SIPA1L3: variants seen among roughly 807,000 people sequenced by gnomAD.
SIPA1L3 encodes the protein signal-induced proliferation-associated 1-like protein 3.
Under a neutral mutation model 150.1 loss-of-function variants are expected in SIPA1L3, and 59 were observed. That is an observed-to-expected ratio of 0.39 (90% CI 0.32 to 0.49). SIPA1L3 has a LOEUF of 0.49. Among genes scored for constraint, SIPA1L3 ranks in the 20% least tolerant of loss-of-function variants. The probability of loss-of-function intolerance (pLI) is 0.86; values close to 1 mark genes in which losing one functional copy is unlikely to be tolerated. For synonymous variants in SIPA1L3, 1,070 were observed against 1,077.6 expected, an observed-to-expected ratio of 0.99 and a Z score of 0.14; for missense variants, 2,211 against 2,489.5, an observed-to-expected ratio of 0.89 and a Z score of 2.38.
At chr19:38,076,892 G>T (rs892591577) in intron 2 of SIPA1L3, among the ~76,000 whole-genome samples, 1 of 152,134 alleles carries the variant, frequency 6.6e-6, no homozygotes, top group African/African-American at 2.4e-5. Flanking sequence ...TTTTTATCTC[G>T]TGTTGCAAAT....
In SIPA1L3 at chr19:38,193,589, G is replaced by T; in HGVS notation, c.4649G>T (p.Ser1550Ile). 2 of 1,556,424 alleles carry T rather than the reference G, an allele frequency of 1.3e-6. No homozygotes were observed. The highest frequency in any genetic ancestry group is 1.7e-6 in the Non-Finnish European group (2 of 1,161,874). ...ACGCTGTCGGACGAGAGCCTGTGCAGCGGGCGCCGGGAGCCCAGCTTCGCC... is the reference window on the plus strand; with the variant it reads ...ACGCTGTCGGACGAGAGCCTGTGCATCGGGCGCCGGGAGCCCAGCTTCGCC... Reference protein sequence around the residue: ...QRTLSDESLCSGRREPSFASP... With the variant: ...QRTLSDESLCIGRREPSFASP... Residue 1550 changes from serine (S) to isoleucine (I), a missense_variant, in exon 18 of 22, where the codon AGC becomes ATC. By Grantham distance (142) the Ser-to-Ile change is moderately radical. Transcript: ENST00000222345.
chr19:37,945,078 A>T (rs73031218), intron 1 of SIPA1L3, among the ~76,000 whole-genome samples: 1 of 152,218 alleles, frequency 6.6e-6, no homozygotes, highest in East Asian at 1.9e-4. Flanking sequence ...ATAATCTAAC[A>T]TAAAGCCTAT....
At chr19:37,929,949 C>T (rs1400921952) in intron 1 of SIPA1L3, among the ~76,000 whole-genome samples, 1 of 151,948 alleles carries the variant, frequency 6.6e-6, no homozygotes, top group African/African-American at 2.4e-5. Flanking sequence ...GCCTTGATCT[C>T]CTGGGCTCAA....
At chr19:38,060,419 T>C (rs10413751) in intron 2 of SIPA1L3, among the ~76,000 whole-genome samples, 25,861 of 152,148 alleles carry the variant, frequency 0.17, 2,302 homozygotes, top group African/African-American at 0.2. Flanking sequence ...TGGATATTCT[T>C]AAGGGTTTAG....
intron 1 of SIPA1L3, among the ~76,000 whole-genome samples, chr19:37,977,255 C>T (rs1417619749): frequency 6.6e-6 from 1 of 152,154 alleles, no homozygotes; most frequent in African/African-American, 2.4e-5. Flanking sequence ...ACCTCCACCT[C>T]CTGGGTTCAG....
intron 13 of SIPA1L3, among the ~76,000 whole-genome samples, chr19:38,157,422 CT>C (rs1971973864): frequency 6.6e-6 from 1 of 152,210 alleles, no homozygotes; most frequent in African/African-American, 2.4e-5. Flanking sequence ...TCCCAGGTCA[CT>C]GCTGGTGAGC....
intron 9 of SIPA1L3, among the ~76,000 whole-genome samples, chr19:38,120,871 G>A (rs113644371): frequency 7.2e-5 from 11 of 152,214 alleles, no homozygotes; most frequent in Non-Finnish European, 5.9e-5. Flanking sequence ...TTGGCAGAAC[G>A]CCGTGCCATG....
At chr19:37,993,882 G>A (rs528089484) in intron 1 of SIPA1L3, among the ~76,000 whole-genome samples, 2 of 152,262 alleles carry the variant, frequency 1.3e-5, no homozygotes, top group South Asian at 4.1e-4. Context: ...TAGCAGGAAA[G>A]TAATTTCATT....
At chr19:38,158,592 T>C (rs1331332175) in intron 13 of SIPA1L3, among the ~76,000 whole-genome samples, 2 of 152,180 alleles carry the variant, frequency 1.3e-5, no homozygotes, top group Non-Finnish European at 2.9e-5. Flanking sequence ...GGCTACAGAT[T>C]ACTGTCAGGT....
At chr19:37,921,245 C>T (rs545703878) in intron 1 of SIPA1L3, among the ~76,000 whole-genome samples, 38 of 152,336 alleles carry the variant, frequency 2.5e-4, no homozygotes, top group African/African-American at 7.9e-4. Flanking sequence ...GCGTGCGCTC[C>T]CCGCTCCCAT....
chr19:38,034,456 A>G (rs954035823), intron 2 of SIPA1L3, among the ~76,000 whole-genome samples: 82 of 143,520 alleles, frequency 5.7e-4, no homozygotes, highest in Non-Finnish European at 7.6e-5. Context: ...ACAGGGAGGC[A>G]TGCAGCCTGG....
intron 1 of SIPA1L3, among the ~76,000 whole-genome samples, chr19:37,945,371 C>T (rs1240802211): frequency 6.6e-6 from 1 of 151,940 alleles, no homozygotes; most frequent in Non-Finnish European, 1.5e-5. Context: ...GTAGCTGGGA[C>T]TACAGGCGTG....
In SIPA1L3 at chr19:38,082,621, C is replaced by T. The variant is rs1415909401; in HGVS notation, c.1056C>T (p.Leu352=). Residue 352 remains leucine (L), a synonymous_variant, in exon 3 of 22, where the codon CTC becomes CTT. Transcript: ENST00000222345. ...HFDVQSMLFD[L]NEAAANRVSV... ...ACGTGCAGAGCATGCTGTTCGACCTCAACGAGGCGGCCGCCAACAGGGTGT... is the reference window on the plus strand; with the variant it reads ...ACGTGCAGAGCATGCTGTTCGACCTTAACGAGGCGGCCGCCAACAGGGTGT... 4 of 1,604,842 alleles carry T rather than the reference C, an allele frequency of 2.5e-6. No homozygotes were observed. The highest frequency in any genetic ancestry group is 1.1e-5 in the South Asian group (1 of 91,082).
At chr19:38,175,841 C>T (rs1231666360) in intron 15 of SIPA1L3, among the ~76,000 whole-genome samples, 1 of 152,214 alleles carries the variant, frequency 6.6e-6, no homozygotes, top group Non-Finnish European at 1.5e-5. Context: ...AAAGCCCACA[C>T]TATGCTGCCC....
At position 37,971,127 on chromosome 19, in the gene SIPA1L3, C is replaced by CT. The variant is rs1033570602; in HGVS notation, c.-378-57954dup. ...ATTTATTCCTCCCCCACCTCCCATG[C>CT]TTTTTTTTGTTTGTTTGTTTGTTTG... On this transcript the variant is annotated intron_variant, in intron 1 of 21. Transcript: ENST00000222345. Among the ~76,000 whole-genome samples, 40 of 151,718 alleles carry CT rather than the reference C, an allele frequency of 2.6e-4. 1 individual carries two copies. The South Asian group carries it at 7.7e-3, about 29-fold the overall frequency.
intron 10 of SIPA1L3, among the ~76,000 whole-genome samples, chr19:38,140,157 G>C (rs1359946495): frequency 6.6e-6 from 1 of 152,240 alleles, no homozygotes; most frequent in Admixed American, 6.5e-5. Flanking sequence ...GCTCGATGGG[G>C]GTATGGGCAC....
chr19:38,027,250 T>C (rs996872552), intron 1 of SIPA1L3, among the ~76,000 whole-genome samples: 63 of 152,286 alleles, frequency 4.1e-4, no homozygotes, highest in Middle Eastern at 3.4e-3. Flanking sequence ...ATGGCGCCAC[T>C]GTACTCCAGC....
chr19:38,142,452 A>G lies in SIPA1L3; in HGVS notation c.3396-121A>G, dbSNP rs1211430424. ...AGAAGGGATGTGGCTGGGCGGGGGAAAGTTCGGTTGGTCTGTCTGTCTGTC... is the reference window on the plus strand; with the variant it reads ...AGAAGGGATGTGGCTGGGCGGGGGAGAGTTCGGTTGGTCTGTCTGTCTGTC... On this transcript the variant is annotated intron_variant, in intron 11 of 21. Transcript: ENST00000222345. 1.2e-5 allele frequency: 14 copies of G among 1,141,910 alleles called. No individual in the cohort carries two copies. The East Asian group carries it at 3.5e-4, about 29-fold the overall frequency. 70.7% of individuals were successfully genotyped at this position (1,141,910 alleles called of 1,614,324 possible). A position where few individuals can be genotyped will look rare whatever the true frequency, so the allele number is the denominator to read the frequency against.
intron 9 of SIPA1L3, among the ~76,000 whole-genome samples, chr19:38,126,255 G>A (rs999854306): frequency 6.6e-6 from 1 of 152,102 alleles, no homozygotes; most frequent in East Asian, 1.9e-4. Context: ...TAAAAGGGGG[G>A]TGTGGAGGAT....
Sources: allele counts gnomAD v4.1 joint callset (sites outside exome capture counted in the v4.1 genomes callset), GRCh38; gene constraint gnomAD v4.1.1; transcripts MANE v1.5; gene names NCBI Gene and HGNC (gene_info 2026-07-23, HGNC 2026-07-21).